OLFML2B: variants seen among roughly 807,000 people sequenced by gnomAD.
OLFML2B encodes the protein olfactomedin like 2B, also known as olfactomedin-like protein 2B.
In OLFML2B, 57 loss-of-function variants were observed where a neutral mutation model predicts 74.9. The ratio of observed to expected loss-of-function variants is 0.76; its 90% CI spans 0.61 to 0.95. The LOEUF (loss-of-function observed/expected upper bound fraction) is 0.95. Among genes scored for constraint, OLFML2B ranks in the 40% least tolerant of loss-of-function variants. The pLI, the probability that OLFML2B is intolerant of heterozygous loss-of-function variation, is 0.00. For synonymous variants in OLFML2B, 388 were observed against 405.8 expected, an observed-to-expected ratio of 0.96 and a Z score of 0.53; for missense variants, 986 against 970.6, an observed-to-expected ratio of 1.02 and a Z score of -0.21.
At chr1:162,008,996 C>A (rs1409912269) in intron 3 of OLFML2B, among the ~76,000 whole-genome samples, 1 of 152,176 alleles carries the variant, frequency 6.6e-6, no homozygotes, top group Non-Finnish European at 1.5e-5. Flanking sequence ...AGACAGATCA[C>A]CAAGCCCAGC....
intron 6 of OLFML2B, among the ~76,000 whole-genome samples, chr1:161,989,647 C>T (rs1227855872): frequency 1.3e-5 from 2 of 152,182 alleles, no homozygotes; most frequent in Non-Finnish European, 2.9e-5. Context: ...CTGCTGTCAC[C>T]ATCTTGAATA....
chr1:162,004,563 T>C (rs548336067), intron 4 of OLFML2B, among the ~76,000 whole-genome samples: 36 of 152,184 alleles, frequency 2.4e-4, no homozygotes, highest in Non-Finnish European at 4.7e-4. Flanking sequence ...AGCCCCAATC[T>C]GCCTGCAGTC....
chr1:162,010,086 C>G (rs1158173617), intron 3 of OLFML2B, among the ~76,000 whole-genome samples: 1 of 152,156 alleles, frequency 6.6e-6, no homozygotes, highest in Non-Finnish European at 1.5e-5. Context: ...ACCCATGGCC[C>G]CTGCCAAGGA....
chr1:162,009,705 A>C (rs1690321974), intron 3 of OLFML2B, among the ~76,000 whole-genome samples: 1 of 152,196 alleles, frequency 6.6e-6, no homozygotes, highest in Non-Finnish European at 1.5e-5. Context: ...ATTGGCCTGC[A>C]GGGCTCAGCC....
At chr1:161,992,046 T>C (rs1472245003) in intron 6 of OLFML2B, among the ~76,000 whole-genome samples, 1 of 152,256 alleles carries the variant, frequency 6.6e-6, no homozygotes, top group Non-Finnish European at 1.5e-5. Context: ...CTTCTTCCAA[T>C]GGATGGCTGT....
chr1:161,993,402 A>C (rs1689798516), intron 6 of OLFML2B, among the ~76,000 whole-genome samples: 1 of 152,014 alleles, frequency 6.6e-6, no homozygotes, highest in Non-Finnish European at 1.5e-5. Context: ...CGTTGAAGTC[A>C]TGTGTCTGTG....
At chr1:162,007,195 T>C (rs1358744971) in intron 3 of OLFML2B, among the ~76,000 whole-genome samples, 1 of 152,194 alleles carries the variant, frequency 6.6e-6, no homozygotes, top group Non-Finnish European at 1.5e-5. Flanking sequence ...AGTGTAGTGC[T>C]ACAGAAAGAA....
At chr1:162,016,874 G>A (rs184122736) in intron 3 of OLFML2B, among the ~76,000 whole-genome samples, 25 of 152,228 alleles carry the variant, frequency 1.6e-4, no homozygotes, top group Middle Eastern at 6.8e-3. Flanking sequence ...TGCATGACTC[G>A]TCCATTCATT....
chr1:162,020,107 G>A lies in OLFML2B; in HGVS notation c.250C>T (p.Leu84=), dbSNP rs531682056. The A allele has an allele frequency of 1.9e-6, 3 of 1,614,182 alleles. No homozygotes were observed. The highest frequency in any genetic ancestry group is 2.2e-5 in the South Asian group (2 of 91,086). Reference sequence around the variant, plus strand: ...ATCCTCTGGCAGGCATCCCGGCCCAGGGGTCTCACCACACACTTGCACTGA... The same window carrying A: ...ATCCTCTGGCAGGCATCCCGGCCCAAGGGTCTCACCACACACTTGCACTGA... ...DCQCKCVVRP[L]GRDACQRINA... is the part of the protein sequence containing the mutation. The change falls in exon 2 of 8, where the codon CTG becomes TTG. Residue 84 remains leucine, a synonymous_variant. Transcript: ENST00000294794.
intron 4 of OLFML2B, among the ~76,000 whole-genome samples, chr1:162,005,411 T>C (rs758492580): frequency 1.3e-5 from 2 of 152,200 alleles, no homozygotes; most frequent in Non-Finnish European, 2.9e-5. Flanking sequence ...CTGGATCTGT[T>C]TCCTTATCTG....
At chr1:162,005,031 G>A (rs1448224060) in intron 4 of OLFML2B, among the ~76,000 whole-genome samples, 3 of 152,212 alleles carry the variant, frequency 2.0e-5, no homozygotes, top group Non-Finnish European at 4.4e-5. Flanking sequence ...TGCTAATAAT[G>A]TGTCTTGCTA....
At chr1:162,020,226 T>C (rs780937501) in intron 1 of OLFML2B, 44 bp from the exon 2 acceptor site, 8 of 1,601,622 alleles carry the variant, frequency 5.0e-6, no homozygotes, top group Non-Finnish European at 6.8e-6. Flanking sequence ...AACACAGGTG[T>C]CAGTCAGCCT....
At chr1:161,986,008 G>A (rs1689585492) in intron 6 of OLFML2B, among the ~76,000 whole-genome samples, 1 of 152,182 alleles carries the variant, frequency 6.6e-6, no homozygotes, top group African/African-American at 2.4e-5. Context: ...TGATAGTGAA[G>A]TCACACGTGA....
intron 6 of OLFML2B, among the ~76,000 whole-genome samples, chr1:161,993,705 C>T (rs904702071): frequency 6.6e-6 from 1 of 152,198 alleles, no homozygotes; most frequent in Non-Finnish European, 1.5e-5. Flanking sequence ...CCATTCCCTG[C>T]CCAACCTGGC....
intron 6 of OLFML2B, among the ~76,000 whole-genome samples, chr1:161,996,686 T>C (rs1689913480): frequency 6.6e-6 from 1 of 152,258 alleles, no homozygotes; most frequent in Admixed American, 6.5e-5. Context: ...CATTTGTAAC[T>C]GGCTCCCATT....
At chr1:162,014,773 T>C (rs1483427650) in intron 3 of OLFML2B, among the ~76,000 whole-genome samples, 1 of 152,206 alleles carries the variant, frequency 6.6e-6, no homozygotes, top group Non-Finnish European at 1.5e-5. Flanking sequence ...TTCAGCACCC[T>C]ATCACCTTAG....
chr1:161,991,034 T>C (rs183540421), intron 6 of OLFML2B, among the ~76,000 whole-genome samples: 103 of 152,348 alleles, frequency 6.8e-4, no homozygotes, highest in African/African-American at 2.5e-3. Context: ...CCACTTCTAA[T>C]TGTAGTTTTC....
At position 162,000,232 on chromosome 1, in the gene OLFML2B, C is replaced by T. The variant is rs746780848; in HGVS notation, c.830G>A (p.Arg277Gln). 3.0e-5 allele frequency: 49 copies of T among 1,613,724 alleles called. No individual in the cohort carries two copies. The Middle Eastern group carries it at 8.5e-4, about 28-fold the overall frequency. ...CAGGTGGACCTGCCTCTGCAGGGGC[C>T]GCTGTGACTTCACCACCTCAGGCAG... ...LALPEVVKSQ[R>Q]PLQRQVHLRG... The change falls in exon 5 of 8, where the codon CGG (arginine) becomes CAG (glutamine). Residue 277 changes from arginine (R) to glutamine (Q), a missense_variant. Coordinates refer to ENST00000294794, the MANE Select transcript of OLFML2B (RefSeq NM_015441.3).
In OLFML2B at chr1:161,983,883, A is replaced by AC; in HGVS notation, c.2044dup (p.Val682GlyfsTer7). ...GTTGTAGCTATCCACGGCATACAGCACCCCACAGATGACGAAGCAGTTGCC... is the reference window on the plus strand; with the variant it reads ...GTTGTAGCTATCCACGGCATACAGCACCCCCACAGATGACGAAGCAGTTGCC... On this transcript the variant is annotated frameshift_variant, in exon 8 of 8. Coordinates refer to ENST00000294794, the MANE Select transcript of OLFML2B (RefSeq NM_015441.3). LOFTEE classifies it high-confidence loss of function. The AC allele has an allele frequency of 1.2e-6, 2 of 1,614,178 alleles. No homozygotes were observed. The highest frequency in any genetic ancestry group is 1.7e-6 in the Non-Finnish European group (2 of 1,180,040).
Sources: gnomAD v4.1 joint callset for allele counts (sites outside exome capture counted in the v4.1 genomes callset) on GRCh38, gnomAD v4.1.1 for gene constraint, MANE v1.5 for transcripts, NCBI Gene and HGNC (gene_info 2026-07-23, HGNC 2026-07-21) for gene names.